Variants in KATNAL1 observed in about 807,000 individuals in gnomAD.
KATNAL1 encodes the protein katanin p60 ATPase-containing subunit A-like 1.
A neutral mutation model predicts 55.2 loss-of-function variants in KATNAL1; 32 were observed. The ratio of observed to expected loss-of-function variants is 0.58; its 90% CI spans 0.44 to 0.78. The LOEUF (loss-of-function observed/expected upper bound fraction) is 0.78. Ranked by LOEUF, KATNAL1 falls within the 30% of genes least tolerant of loss-of-function variation. The pLI is 0.00. For missense variants in KATNAL1, 466 were observed against 600.9 expected (o/e 0.78, Z 2.35); for synonymous variants, 193 against 193.6 (o/e 1.00, Z 0.02).
At chr13:30,226,941 T>C (rs1442577560) in intron 9 of KATNAL1, among the ~76,000 whole-genome samples, 3 of 152,126 alleles carry the variant, frequency 2.0e-5, no homozygotes, top group Non-Finnish European at 4.4e-5. Flanking sequence ...CTGGGTGTGG[T>C]GGTACACACC....
intron 4 of KATNAL1, among the ~76,000 whole-genome samples, chr13:30,247,628 G>A (rs1426136773): frequency 6.6e-6 from 1 of 152,134 alleles, no homozygotes; most frequent in Non-Finnish European, 1.5e-5. Flanking sequence ...ACAAATCTGA[G>A]GAACAACACA....
At chr13:30,223,764 T>TG (rs1875162215) in intron 9 of KATNAL1, among the ~76,000 whole-genome samples, 1 of 152,154 alleles carries the variant, frequency 6.6e-6, no homozygotes, top group Admixed American at 6.5e-5. Flanking sequence ...CAGTCATAGA[T>TG]GAAGATTTCC....
intron 6 of KATNAL1, among the ~76,000 whole-genome samples, chr13:30,233,302 A>G (rs61946929): frequency 0.25 from 37,879 of 152,090 alleles, 4,770 homozygotes; most frequent in African/African-American, 0.29. Flanking sequence ...CAAAAGGTCA[A>G]AATAGACATT....
At chr13:30,230,682 G>A in intron 7 of KATNAL1, 88 bp from the exon 8 acceptor site, 1 of 979,252 alleles carries the variant, frequency 1.0e-6, no homozygotes. Flanking sequence ...AATGGCAAAA[G>A]AGAGCAGAAA....
intron 1 of KATNAL1, among the ~76,000 whole-genome samples, chr13:30,302,594 A>T (rs1882925779): frequency 6.6e-6 from 1 of 152,254 alleles, no homozygotes; most frequent in Non-Finnish European, 1.5e-5. Flanking sequence ...ATAAAGGAAC[A>T]ACTTATTGAA....
chr13:30,272,076 T>C (rs527840845), intron 3 of KATNAL1, among the ~76,000 whole-genome samples: 1 of 152,138 alleles, frequency 6.6e-6, no homozygotes, highest in Non-Finnish European at 1.5e-5. Flanking sequence ...AATACTGCAA[T>C]GACTGAAGAG....
chr13:30,210,367 A>C lies in KATNAL1; in HGVS notation c.1223T>G (p.Ile408Arg). Residue 408 changes from isoleucine (I) to arginine (R), a missense_variant, in exon 10 of 11, where the codon ATA becomes AGA. By Grantham distance (97) the Ile-to-Arg change is moderately conservative. This residue lies in a region of KATNAL1 where 213 missense variants were observed against 308.6 expected (regional missense o/e 0.69). Coordinates refer to ENST00000380615, the MANE Select transcript of KATNAL1 (RefSeq NM_032116.5). ...AGAATAGCCCTCAATCTTCTCGGCT[A>C]TATCTTCCAGTTGAATATCAGGATC... ...ELDPDIQLED[I>R]AEKIEGYSGA... The C allele has an allele frequency of 1.2e-6, 2 of 1,610,732 alleles. No homozygotes were observed. The highest frequency in any genetic ancestry group is 1.7e-6 in the Non-Finnish European group (2 of 1,178,660).
chr13:30,282,965 A>AG (rs1335688238), intron 2 of KATNAL1, among the ~76,000 whole-genome samples: 1 of 147,422 alleles, frequency 6.8e-6, no homozygotes, highest in African/African-American at 2.5e-5. Context: ...AAAAAAAAAA[A>AG]GAAAAAAAAA....
chr13:30,246,372 AC>A (rs1401122756), intron 4 of KATNAL1, among the ~76,000 whole-genome samples: 1 of 152,208 alleles, frequency 6.6e-6, no homozygotes, highest in African/African-American at 2.4e-5. Context: ...CCCCTTCCTT[AC>A]ACCTTATACC....
At chr13:30,276,354 G>A (rs958100307) in intron 3 of KATNAL1, among the ~76,000 whole-genome samples, 11 of 152,114 alleles carry the variant, frequency 7.2e-5, no homozygotes, top group Non-Finnish European at 1.5e-4. Context: ...GATTACCTTG[G>A]TAGTCAGCAA....
intron 9 of KATNAL1, among the ~76,000 whole-genome samples, chr13:30,217,144 T>C (rs551823721): frequency 6.6e-6 from 1 of 152,284 alleles, no homozygotes; most frequent in African/African-American, 2.4e-5. Flanking sequence ...TTCTTAAGAT[T>C]TACCAGCTCC....
Position 30,203,420 on chromosome 13 carries a change from A to T in KATNAL1, c.*5120T>A. ...TAGACTCTGGGAATTACACGTGCAA[A>T]GAGTCAGGTTTTCCAAAGGGCGATA... On this transcript the variant is annotated 3_prime_UTR_variant, in exon 11 of 11. Transcript: ENST00000380615. The T allele has an allele frequency of 6.6e-6, 1 of 152,230 alleles. No homozygotes were observed. Among genetic ancestry groups the T allele is most frequent in the East Asian group, 1.9e-4 (1 of 5,202 alleles). The allele number at this position is 152,230 out of a possible 1,614,324, so 9.4% of individuals were successfully genotyped here.
intron 4 of KATNAL1, among the ~76,000 whole-genome samples, chr13:30,253,371 T>C (rs1226992813): frequency 1.3e-5 from 2 of 152,130 alleles, no homozygotes; most frequent in Non-Finnish European, 2.9e-5. Flanking sequence ...AGTACTTACA[T>C]GTCAATGAAA....
intron 9 of KATNAL1, among the ~76,000 whole-genome samples, chr13:30,212,850 C>A (rs945622593): frequency 1.3e-5 from 2 of 152,112 alleles, no homozygotes; most frequent in African/African-American, 4.8e-5. Flanking sequence ...AACTCCTAAC[C>A]CCCAGTACTT....
chr13:30,240,589 A>G, intron 5 of KATNAL1, 24 bp from the exon 6 acceptor site: 2 of 1,499,302 alleles, frequency 1.3e-6, no homozygotes, highest in Non-Finnish European at 1.9e-6. Context: ...GCAAACTTTC[A>G]TAATGTTTAC....
chr13:30,232,553 G>A (rs987804532), intron 6 of KATNAL1, among the ~76,000 whole-genome samples: 5 of 152,086 alleles, frequency 3.3e-5, no homozygotes, highest in Non-Finnish European at 5.9e-5. Flanking sequence ...CCATGAAAAC[G>A]ACCAATTGAT....
Position 30,243,325 on chromosome 13 carries a change from G to C in KATNAL1, c.493-2239C>G, listed in dbSNP as rs367929517. On this transcript the variant is annotated intron_variant, in intron 4 of 10. Transcript: ENST00000380615. ...AAAGTGACTAACCAAATATTACAGA[G>C]CCAATTAATGATATAGTTTGCCCTA... Among the ~76,000 whole-genome samples the C allele has an allele frequency of 3.9e-5, 6 of 152,086 alleles. No individual in the cohort carries two copies. The East Asian group carries it at 1.2e-3, about 29-fold the overall frequency.
intron 1 of KATNAL1, among the ~76,000 whole-genome samples, chr13:30,294,150 T>C (rs145673234): frequency 6.6e-6 from 1 of 152,158 alleles, no homozygotes; most frequent in Non-Finnish European, 1.5e-5. Context: ...AGTGTTCAAG[T>C]GAAAGGGAAT....
At chr13:30,234,711 C>T (rs768168917) in intron 6 of KATNAL1, among the ~76,000 whole-genome samples, 1 of 152,182 alleles carries the variant, frequency 6.6e-6, no homozygotes, top group Non-Finnish European at 1.5e-5. Flanking sequence ...GAATTAGCTG[C>T]TGAGTATTTA....
Sources: allele counts gnomAD v4.1 joint callset (sites outside exome capture counted in the v4.1 genomes callset), GRCh38; gene constraint gnomAD v4.1.1; regional missense constraint gnomAD v4.1.1; transcripts MANE v1.5; gene names NCBI Gene and HGNC (gene_info 2026-07-23, HGNC 2026-07-21).